DDX60: variants seen among roughly 807,000 people sequenced by gnomAD.
The protein encoded by DDX60 is probable ATP-dependent RNA helicase DDX60.
Under a neutral mutation model 212.8 loss-of-function variants are expected in DDX60, and 165 were observed. That is an observed-to-expected ratio of 0.78 (90% CI 0.68 to 0.88). The LOEUF is 0.88. DDX60 is among the 40% of genes least tolerant of loss of function. DDX60 has a pLI of 0.00. For missense variants in DDX60, 1,905 were observed against 2,003.9 expected (o/e 0.95, Z 0.94); for synonymous variants, 703 against 685.3 (o/e 1.03, Z -0.40).
At chr4:168,305,554 T>A (rs1026710889) in intron 5 of DDX60, among the ~76,000 whole-genome samples, 117 of 150,010 alleles carry the variant, frequency 7.8e-4, no homozygotes, top group African/African-American at 2.8e-3. Flanking sequence ...CTAATTTTAT[T>A]AATTTACTAT....
intron 12 of DDX60, 105 bp downstream of exon 12, chr4:168,284,715 A>T (rs992393500): frequency 7.4e-6 from 4 of 540,220 alleles, no homozygotes; most frequent in Non-Finnish European, 1.3e-5. Context: ...GACTATTTTC[A>T]TTCAAAAAAA....
chr4:168,280,331 A>G lies in DDX60; in HGVS notation c.1978+4T>C, dbSNP rs374895178. 41 of 1,604,676 alleles carry G rather than the reference A, an allele frequency of 2.6e-5. 1 individual carries two copies. In the African/African-American group the frequency reaches 5.0e-4, roughly 19 times the overall value. On this transcript the variant is annotated splice_donor_region_variant and intron_variant, in intron 14 of 37. Coordinates refer to ENST00000393743, the MANE Select transcript of DDX60 (RefSeq NM_017631.6). Reference sequence around the variant, plus strand: ...CACCGAAATAACAAAACAGAATTACATACCTTCTTCACTTCGGCAATGTTC... The same window carrying G: ...CACCGAAATAACAAAACAGAATTACGTACCTTCTTCACTTCGGCAATGTTC...
chr4:168,306,666 A>C lies in DDX60; in HGVS notation c.319T>G (p.Leu107Val). The change falls in exon 5 of 38, where the codon TTA becomes GTA. Residue 107 changes from leucine (L) to valine (V), a missense_variant. Coordinates refer to ENST00000393743, the MANE Select transcript of DDX60 (RefSeq NM_017631.6). ...FPELLSLRTA[L>V]ILHLQKNTTI... ...GTATTCTTCTGAAGATGAAGAATTA[A>C]AGCAGTTCTCAAAGAAAGAAGTTCA... The C allele has an allele frequency of 1.2e-6, 2 of 1,614,140 alleles. No individual in the cohort carries two copies. Among genetic ancestry groups the C allele is most frequent in the Non-Finnish European group, 1.7e-6 (2 of 1,179,966 alleles).
At chr4:168,228,727 C>T (rs927959704) in intron 33 of DDX60, among the ~76,000 whole-genome samples, 15 of 151,958 alleles carry the variant, frequency 9.9e-5, no homozygotes, top group Admixed American at 5.2e-4. Flanking sequence ...TATATGTAAT[C>T]ACACATAACC....
chr4:168,235,374 G>T (rs1483946771), intron 33 of DDX60, among the ~76,000 whole-genome samples: 1 of 151,900 alleles, frequency 6.6e-6, no homozygotes, highest in African/African-American at 2.4e-5. Context: ...GCAGTAAAGT[G>T]TATTTTTATC....
intron 6 of DDX60, among the ~76,000 whole-genome samples, chr4:168,297,424 G>A (rs761721881): frequency 9.3e-5 from 14 of 151,248 alleles, no homozygotes; most frequent in South Asian, 4.2e-4. Flanking sequence ...AATTAATTCC[G>A]CAAAATAATC....
intron 35 of DDX60, among the ~76,000 whole-genome samples, chr4:168,223,161 A>G (rs1330206360): frequency 6.6e-6 from 1 of 152,090 alleles, no homozygotes; most frequent in Non-Finnish European, 1.5e-5. Context: ...ACGGGAGACA[A>G]GAAAATGAAA....
chr4:168,248,141 G>A (rs1734085261), intron 29 of DDX60, 47 bp downstream of exon 29: 6 of 1,276,012 alleles, frequency 4.7e-6, no homozygotes, highest in African/African-American at 4.5e-5. Context: ...CTACGCTATG[G>A]CCATATTTCA....
chr4:168,316,452 AAAAT>A (rs1737383842), intron 1 of DDX60, among the ~76,000 whole-genome samples: 1 of 152,240 alleles, frequency 6.6e-6, no homozygotes, highest in Non-Finnish European at 1.5e-5. Context: ...GAATGAAAGA[AAAAT>A]AAATATGAAT....
At chr4:168,221,614 T>C (rs1733052811) in intron 36 of DDX60, 116 bp downstream of exon 36, 1 of 1,105,988 alleles carries the variant, frequency 9.0e-7, no homozygotes, top group Non-Finnish European at 1.2e-6. Context: ...ATGTTTAGTA[T>C]GATTTAACCT....
Position 168,308,107 on chromosome 4 carries a change from A to T in DDX60, c.163T>A (p.Ser55Thr), listed in dbSNP as rs770478658. The change falls in exon 4 of 38, where the codon TCA becomes ACA. Residue 55 changes from serine to threonine, a missense_variant. Transcript: ENST00000393743. ...TGGAGGTTCTGCCCAGGCTTAAATG[A>T]TATCTCACAGATACATGTGATAAGT... ...SLLITCICEI[S>T]FKPGQNLHFF... 12 of 1,610,550 alleles carry T rather than the reference A, an allele frequency of 7.5e-6. No individual in the cohort carries two copies. The highest frequency in any genetic ancestry group is 1.0e-5 in the Non-Finnish European group (12 of 1,177,950).
Position 168,241,557 on chromosome 4 carries a change from C to A in DDX60, c.4165-3762G>T, listed in dbSNP as rs183936440. 1.3e-3 allele frequency among the ~76,000 whole-genome samples: 203 copies of A among 152,232 alleles called. 1 individual carries two copies. The highest frequency in any genetic ancestry group is 4.3e-3 in the African/African-American group (178 of 41,546). ...CTTTCGTTATGTTTTAGCAAAAAGA[C>A]GGGCAGCATTTTGCCTCTGCCTGAG... is the stretch of plus-strand genomic sequence containing the variant. On this transcript the variant is annotated intron_variant, in intron 30 of 37. Transcript: ENST00000393743.
upstream of DDX60, among the ~76,000 whole-genome samples, chr4:168,322,178 A>G (rs914154250): frequency 6.6e-6 from 1 of 152,214 alleles, no homozygotes; most frequent in East Asian, 1.9e-4. Context: ...CATTAGAAAG[A>G]TAGTTTGTAC....
intron 3 of DDX60, among the ~76,000 whole-genome samples, chr4:168,310,027 A>T (rs1321962075): frequency 6.6e-6 from 1 of 152,208 alleles, no homozygotes; most frequent in Admixed American, 6.5e-5. Flanking sequence ...TACAACAAAA[A>T]GTCCTGGACA....
intron 33 of DDX60, among the ~76,000 whole-genome samples, chr4:168,230,576 T>C (rs896893785): frequency 1.3e-5 from 2 of 152,098 alleles, no homozygotes; most frequent in African/African-American, 4.8e-5. Flanking sequence ...AATAACCTGC[T>C]CCTGAATGAT....
intron 10 of DDX60, among the ~76,000 whole-genome samples, chr4:168,286,136 GAAGA>G (rs1308976675): frequency 1.3e-5 from 2 of 149,814 alleles, no homozygotes; most frequent in South Asian, 2.1e-4. Flanking sequence ...AGGAAGGAAG[GAAGA>G]AAGGAAGGAA....
At chr4:168,276,905 T>C (rs1735365244) in intron 14 of DDX60, among the ~76,000 whole-genome samples, 2 of 152,238 alleles carry the variant, frequency 1.3e-5, no homozygotes, top group African/African-American at 4.8e-5. Context: ...AAACAATGCA[T>C]AACACTTGAT....
chr4:168,281,195 T>C (rs1201905341), intron 13 of DDX60, among the ~76,000 whole-genome samples: 5 of 152,094 alleles, frequency 3.3e-5, no homozygotes, highest in African/African-American at 1.2e-4. Flanking sequence ...GACAACAGAC[T>C]GCCTCTCTTT....
chr4:168,242,983 C>T (rs34210250), intron 30 of DDX60, among the ~76,000 whole-genome samples: 8,930 of 152,106 alleles, frequency 0.059, 446 homozygotes, highest in East Asian at 0.15. Context: ...CTCATGATAA[C>T]GAATAAGTAT....
Sources: allele counts gnomAD v4.1 joint callset (sites outside exome capture counted in the v4.1 genomes callset), GRCh38; gene constraint gnomAD v4.1.1; transcripts MANE v1.5; gene names NCBI Gene and HGNC (gene_info 2026-07-23, HGNC 2026-07-21).